AXIN1: variants seen among roughly 807,000 people sequenced by gnomAD.
AXIN1 encodes the protein axin-1.
AXIN1 carries 30 observed loss-of-function variants against 76.4 expected under a neutral mutation model. The ratio of observed to expected loss-of-function variants is 0.39; its 90% CI spans 0.29 to 0.53. The LOEUF (loss-of-function observed/expected upper bound fraction) is 0.53. Ranked by LOEUF, AXIN1 falls within the 20% of genes least tolerant of loss-of-function variation. AXIN1 has a pLI of 0.66. For synonymous variants in AXIN1, 545 were observed against 501.4 expected, an observed-to-expected ratio of 1.09 and a Z score of -1.16; for missense variants, 1,140 against 1,198.8, an observed-to-expected ratio of 0.95 and a Z score of 0.72.
chr16:335,057 T>C lies in AXIN1; in HGVS notation c.878+11091A>G, dbSNP rs73486293. Among the ~76,000 whole-genome samples, 799 of 152,246 alleles carry C rather than the reference T, an allele frequency of 5.2e-3. 10 individuals are homozygous for C. The highest frequency in any genetic ancestry group is 0.018 in the African/African-American group (729 of 41,512). On this transcript the variant is annotated intron_variant, in intron 2 of 10. Transcript: ENST00000262320. ...TCTACAAAACACTCCCATTGGCGTA[T>C]AGAATGCACAGCAGTAAGTGGACAC...
In AXIN1 at chr16:293,142, G is replaced by A. The variant is rs2052614601; in HGVS notation, c.2186+346C>T. On this transcript the variant is annotated intron_variant, in intron 8 of 10. Coordinates refer to ENST00000262320, the MANE Select transcript of AXIN1 (RefSeq NM_003502.4). This position sits in a 1 kb window ranked among gnomAD's most constrained non-coding sequence, Gnocchi z 4.6. The stretch of plus-strand genomic sequence containing the variant: ...GGACCTCTGCCCTAAAGCCCAGGCT[G>A]CCCAGCAGCGAGCAGCCTCTGGCTG... 7.5e-6 allele frequency: 3 copies of A among 401,700 alleles called. No homozygotes were observed. Among genetic ancestry groups the A allele is most frequent in the East Asian group, 4.5e-5 (1 of 22,066 alleles). 24.9% of individuals were successfully genotyped at this position (401,700 alleles called of 1,614,324 possible).
At chr16:313,900 T>G (rs1228975922) in intron 3 of AXIN1, among the ~76,000 whole-genome samples, 1 of 152,238 alleles carries the variant, frequency 6.6e-6, no homozygotes, top group Non-Finnish European at 1.5e-5. Flanking sequence ...GTCACACATG[T>G]GTGGCCCAGG....
At chr16:350,638 TC>T (rs773061294) in intron 1 of AXIN1, among the ~76,000 whole-genome samples, 18 of 152,320 alleles carry the variant, frequency 1.2e-4, no homozygotes, top group Admixed American at 3.9e-4. Flanking sequence ...TTGATTTAAC[TC>T]TTGAAGGTTC....
At chr16:323,747 T>A (rs973712126) in intron 2 of AXIN1, among the ~76,000 whole-genome samples, 4 of 151,192 alleles carry the variant, frequency 2.6e-5, no homozygotes, top group African/African-American at 9.8e-5. Context: ...CACCACTGAC[T>A]CCAGCCTGGG....
rs529767322 is a variant in AXIN1 at position 339,475 on chromosome 16, C to T, written c.878+6673G>A. Among the ~76,000 whole-genome samples the T allele has an allele frequency of 3.4e-5, 5 of 147,166 alleles. No individual in the cohort carries two copies. The South Asian group carries it at 1.1e-3, about 32-fold the overall frequency. On this transcript the variant is annotated intron_variant, in intron 2 of 10. Transcript: ENST00000262320. Reference sequence around the variant, plus strand: ...GCAGTGAGCCAAGATTGTGCCACTGCACTCCAGCCTTGGCGATAGAGCGAG... The same window carrying T: ...GCAGTGAGCCAAGATTGTGCCACTGTACTCCAGCCTTGGCGATAGAGCGAG...
chr16:289,756 G>C, intron 9 of AXIN1, 149 bp from the exon 10 acceptor site: 3 of 928,802 alleles, frequency 3.2e-6, no homozygotes, highest in Non-Finnish European at 4.9e-6. Context: ...CGCAGCCCCC[G>C]CACAGCATCT....
chr16:312,459 G>A (rs17136060), intron 3 of AXIN1, among the ~76,000 whole-genome samples: 22,748 of 152,198 alleles, frequency 0.15, 1,770 homozygotes, highest in South Asian at 0.22. Context: ...TGAGAAAACT[G>A]AGTTGGCAGG....
intron 3 of AXIN1, among the ~76,000 whole-genome samples, chr16:313,868 G>A (rs1017731930): frequency 2.0e-5 from 3 of 152,224 alleles, no homozygotes; most frequent in Non-Finnish European, 4.4e-5. Flanking sequence ...GAAAGAATAA[G>A]CTTCTGCCTG....
chr16:330,230 T>A (rs2053667150), intron 2 of AXIN1, among the ~76,000 whole-genome samples: 1 of 151,656 alleles, frequency 6.6e-6, no homozygotes, highest in Admixed American at 6.6e-5. Context: ...TCATCTCAAT[T>A]TTTCTATTTT....
intron 4 of AXIN1, among the ~76,000 whole-genome samples, chr16:306,095 A>T (rs1411387197): frequency 6.6e-6 from 1 of 152,090 alleles, no homozygotes; most frequent in Non-Finnish European, 1.5e-5. Context: ...CTGCTTTATC[A>T]TCCCCTTACC....
At chr16:322,808 C>T (rs1277910643) in intron 2 of AXIN1, among the ~76,000 whole-genome samples, 1 of 152,218 alleles carries the variant, frequency 6.6e-6, no homozygotes. Context: ...ACACAAAAGC[C>T]TGGCAAGAAG....
At chr16:307,536 T>A (rs567329292) in intron 4 of AXIN1, among the ~76,000 whole-genome samples, 11 of 152,194 alleles carry the variant, frequency 7.2e-5, no homozygotes, top group Non-Finnish European at 1.5e-4. Context: ...GGGACCAGTT[T>A]TGTAGAAGAC....
intron 4 of AXIN1, among the ~76,000 whole-genome samples, chr16:305,330 C>T (rs535673585): frequency 8.5e-5 from 13 of 152,120 alleles, no homozygotes; most frequent in South Asian, 8.3e-4. Flanking sequence ...TTTAATTAGC[C>T]GGGTGTGGTG....
intron 2 of AXIN1, among the ~76,000 whole-genome samples, chr16:329,448 T>C (rs933115443): frequency 4.6e-5 from 7 of 152,134 alleles, no homozygotes; most frequent in Admixed American, 3.9e-4. Flanking sequence ...GTGTTTTCTT[T>C]CTTTTCTTTT....
intron 2 of AXIN1, among the ~76,000 whole-genome samples, chr16:323,598 A>G (rs143429380): frequency 0.02 from 3,005 of 150,892 alleles, 108 homozygotes; most frequent in African/African-American, 0.068. Flanking sequence ...TGGCTAACAC[A>G]GTGAAACCCT....
chr16:344,807 G>A (rs1485328848), intron 2 of AXIN1, among the ~76,000 whole-genome samples: 1 of 152,156 alleles, frequency 6.6e-6, no homozygotes, highest in Non-Finnish European at 1.5e-5. Flanking sequence ...ATCTTAAATC[G>A]TATCACTTAG....
chr16:336,309 A>G (rs563887545), intron 2 of AXIN1, among the ~76,000 whole-genome samples: 3 of 152,336 alleles, frequency 2.0e-5, no homozygotes, highest in African/African-American at 7.2e-5. Flanking sequence ...ACCTCAGGGT[A>G]GGGGTGAGAC....
intron 2 of AXIN1, among the ~76,000 whole-genome samples, chr16:327,518 G>A (rs553004829): frequency 6.6e-6 from 1 of 152,212 alleles, no homozygotes; most frequent in Admixed American, 6.5e-5. Context: ...CACTCACTGT[G>A]AACCGCACAA....
At chr16:334,055 T>A (rs1567298662) in intron 2 of AXIN1, among the ~76,000 whole-genome samples, 1 of 148,468 alleles carries the variant, frequency 6.7e-6, no homozygotes, top group African/African-American at 2.5e-5. Context: ...AGCATGCCCA[T>A]AACACAGCAC....
Sources: allele counts gnomAD v4.1 joint callset (sites outside exome capture counted in the v4.1 genomes callset), GRCh38; gene constraint gnomAD v4.1.1; non-coding constraint Gnocchi (gnomAD v3.1); transcripts MANE v1.5; gene names NCBI Gene and HGNC (gene_info 2026-07-23, HGNC 2026-07-21).